FHIT: variants seen among roughly 807,000 people sequenced by gnomAD.
FHIT encodes fragile histidine triad diadenosine triphosphatase.
In FHIT, 19 loss-of-function variants were observed where a neutral mutation model predicts 17.9. The ratio of observed to expected loss-of-function variants is 1.06; its 90% CI spans 0.74 to 1.56. The LOEUF is 1.56. Among genes scored for constraint, FHIT ranks in the 40% most tolerant of loss-of-function variants. The pLI is 0.00. For synonymous variants in FHIT, 81 were observed against 69.7 expected, an observed-to-expected ratio of 1.16 and a Z score of -0.81; for missense variants, 248 against 189.2, an observed-to-expected ratio of 1.31 and a Z score of -1.82.
At chr3:60,449,160 G>A (rs186993053) in intron 5 of FHIT, among the ~76,000 whole-genome samples, 1 of 152,228 alleles carries the variant, frequency 6.6e-6, no homozygotes, top group East Asian at 1.9e-4. Flanking sequence ...GGAAAAACTC[G>A]CTTTGATTGC....
intron 5 of FHIT, among the ~76,000 whole-genome samples, chr3:60,260,980 C>G (rs1706264269): frequency 6.6e-6 from 1 of 151,888 alleles, no homozygotes; most frequent in Non-Finnish European, 1.5e-5. Flanking sequence ...AGGAGGAACC[C>G]AACCCTCAGC....
intron 5 of FHIT, among the ~76,000 whole-genome samples, chr3:60,222,804 G>T (rs1335789620): frequency 6.6e-6 from 1 of 152,138 alleles, no homozygotes; most frequent in Non-Finnish European, 1.5e-5. Context: ...AGGAGGCTGA[G>T]GCAGGAGAAC....
chr3:60,353,476 G>C (rs554146057), intron 5 of FHIT, among the ~76,000 whole-genome samples: 2 of 152,202 alleles, frequency 1.3e-5, no homozygotes, highest in East Asian at 3.9e-4. Context: ...CTGAACCTCA[G>C]TACCAGGTGT....
chr3:60,565,214 G>A (rs1465074853), intron 4 of FHIT, among the ~76,000 whole-genome samples: 3 of 152,036 alleles, frequency 2.0e-5, no homozygotes, highest in African/African-American at 4.8e-5. Context: ...TATATGCATT[G>A]GGAAACTAAA....
chr3:60,957,901 T>C (rs34827609), intron 3 of FHIT, among the ~76,000 whole-genome samples: 38,284 of 152,174 alleles, frequency 0.25, 5,173 homozygotes, highest in African/African-American at 0.34. Context: ...CCTTCTCTGT[T>C]CTTAACACCT....
chr3:59,995,249 T>C (rs1316193486), intron 7 of FHIT, among the ~76,000 whole-genome samples: 2 of 152,056 alleles, frequency 1.3e-5, no homozygotes, highest in Non-Finnish European at 2.9e-5. Flanking sequence ...AAAAGTTAAC[T>C]TCAAATTCAA....
intron 5 of FHIT, among the ~76,000 whole-genome samples, chr3:60,343,686 T>C (rs1710634961): frequency 6.6e-6 from 1 of 152,220 alleles, no homozygotes; most frequent in African/African-American, 2.4e-5. Context: ...GTAAGACTAA[T>C]ATCACTATCT....
At chr3:60,297,185 G>A (rs995751511) in intron 5 of FHIT, among the ~76,000 whole-genome samples, 1 of 151,890 alleles carries the variant, frequency 6.6e-6, no homozygotes, top group African/African-American at 2.4e-5. Context: ...AAAAATTGTT[G>A]CTGATATTTT....
chr3:60,323,220 T>A (rs866130751), intron 5 of FHIT, among the ~76,000 whole-genome samples: 2 of 152,168 alleles, frequency 1.3e-5, no homozygotes, highest in Non-Finnish European at 2.9e-5. Flanking sequence ...CCACCGGGAA[T>A]CACTGTTTCA....
Position 60,680,797 on chromosome 3 carries a change from A to C in FHIT, c.-18+141122T>G, listed in dbSNP as rs116424169. On this transcript the variant is annotated intron_variant, in intron 4 of 9. Transcript: ENST00000492590. ...GGCCATCATACCATCAGTGTGAGCC[A>C]CACTTGGCCACCAGGCACTAGAGCA... Among the ~76,000 whole-genome samples, 1,003 of 152,304 alleles carry C rather than the reference A, an allele frequency of 6.6e-3. 10 individuals are homozygous for C. Among genetic ancestry groups the C allele is most frequent in the African/African-American group, 0.023 (961 of 41,574 alleles).
intron 5 of FHIT, among the ~76,000 whole-genome samples, chr3:60,029,911 G>GTGTC (rs1270413954): frequency 1.7e-4 from 24 of 144,268 alleles, no homozygotes; most frequent in African/African-American, 5.8e-4. Context: ...GTGTGTGTGT[G>GTGTC]TGTGTGTGTG....
rs77125873 is a variant in FHIT, at chr3:60,864,424, T to C, written c.-110-42413A>G. Among the ~76,000 whole-genome samples the C allele has an allele frequency of 2.4e-4, 36 of 152,248 alleles. No individual in the cohort carries two copies. The East Asian group carries it at 6.8e-3, about 29-fold the overall frequency. ...AGAGCCCATGGTTTTAAACACTTCA[T>C]TGTGCTGTCTCTCATTGCAGAAGGG... On this transcript the variant is annotated intron_variant, in intron 3 of 9. Coordinates refer to ENST00000492590, the MANE Select transcript of FHIT (RefSeq NM_002012.4).
chr3:60,435,208 T>G (rs1042275796), intron 5 of FHIT, among the ~76,000 whole-genome samples: 5 of 152,132 alleles, frequency 3.3e-5, no homozygotes, highest in African/African-American at 1.2e-4. Flanking sequence ...GGGAAGTAAC[T>G]GCAAACCATA....
At chr3:60,817,016 T>C (rs903757442) in intron 4 of FHIT, among the ~76,000 whole-genome samples, 1 of 152,046 alleles carries the variant, frequency 6.6e-6, no homozygotes, top group Non-Finnish European at 1.5e-5. Context: ...TTTAGGATTC[T>C]ATTTTATCTT....
chr3:60,024,082 C>G (rs9822178), intron 5 of FHIT, among the ~76,000 whole-genome samples: 67 of 151,966 alleles, frequency 4.4e-4, no homozygotes, highest in Non-Finnish European at 9.0e-4. Context: ...CTTTCCTTCA[C>G]ACATCAAAAG....
At chr3:60,400,919 G>T (rs1701633560) in intron 5 of FHIT, among the ~76,000 whole-genome samples, 1 of 151,220 alleles carries the variant, frequency 6.6e-6, no homozygotes, top group Non-Finnish European at 1.5e-5. Context: ...CAAATTCTTT[G>T]GTTAAAAAAA....
At chr3:60,750,035 T>C (rs1484843750) in intron 4 of FHIT, among the ~76,000 whole-genome samples, 1 of 152,164 alleles carries the variant, frequency 6.6e-6, no homozygotes, top group Non-Finnish European at 1.5e-5. Context: ...TAATGTATCT[T>C]GTCAAAGCCA....
intron 5 of FHIT, among the ~76,000 whole-genome samples, chr3:60,138,786 A>G (rs1335825056): frequency 6.6e-6 from 1 of 152,110 alleles, no homozygotes; most frequent in African/African-American, 2.4e-5. Context: ...CACGAGGAGT[A>G]CCACTACTTC....
intron 5 of FHIT, among the ~76,000 whole-genome samples, chr3:60,318,504 C>T (rs75729283): frequency 0.019 from 2,915 of 152,212 alleles, 91 homozygotes; most frequent in African/African-American, 0.066. Flanking sequence ...TACAAAAACA[C>T]AGAAATAGGT....
Sources: allele counts gnomAD v4.1 joint callset (sites outside exome capture counted in the v4.1 genomes callset), GRCh38; gene constraint gnomAD v4.1.1; transcripts MANE v1.5; gene names NCBI Gene and HGNC (gene_info 2026-07-23, HGNC 2026-07-21).